KLHDC2: variants seen among roughly 807,000 people sequenced by gnomAD.
KLHDC2 encodes kelch domain-containing protein 2.
In KLHDC2, 38 loss-of-function variants were observed where a neutral mutation model predicts 62.3. The ratio of observed to expected loss-of-function variants is 0.61; its 90% CI spans 0.47 to 0.80. The LOEUF (loss-of-function observed/expected upper bound fraction) is 0.80, where lower values mean the gene tolerates loss of function less well. Ranked by LOEUF, KLHDC2 falls within the 30% of genes least tolerant of loss-of-function variation. KLHDC2 has a pLI of 0.00. For missense variants in KLHDC2, 430 were observed against 495.3 expected, an observed-to-expected ratio of 0.87 and a Z score of 1.25; for synonymous variants, 159 against 161.0, an observed-to-expected ratio of 0.99 and a Z score of 0.09.
rs1890116547 is a variant in KLHDC2 at position 49,785,321 on chromosome 14, C to CCTTTT, written c.*2368_*2369insCTTTT. 2 of 1,610,958 alleles carry CCTTTT rather than the reference C, an allele frequency of 1.2e-6. No individual in the cohort carries two copies. Among genetic ancestry groups the CCTTTT allele is most frequent in the Non-Finnish European group, 1.7e-6 (2 of 1,177,338 alleles). On this transcript the variant is annotated 3_prime_UTR_variant, in exon 13 of 13. Transcript: ENST00000298307. ...CTGTCAAAGAATCAAATAGGTTTTCCTAAAAAGGGAAAATAACAGTTACAA... is the reference window on the plus strand; with the variant it reads ...CTGTCAAAGAATCAAATAGGTTTTCCCTTTTTAAAAAGGGAAAATAACAGTTACAA...
At chr14:49,771,293 G>A (rs1002632027) in intron 1 of KLHDC2, among the ~76,000 whole-genome samples, 1 of 151,588 alleles carries the variant, frequency 6.6e-6, no homozygotes, top group Non-Finnish European at 1.5e-5. Flanking sequence ...ACATTGCAGT[G>A]AGCCAGCCAA....
At chr14:49,776,774 C>T (rs1442791513) in intron 3 of KLHDC2, among the ~76,000 whole-genome samples, 1 of 151,876 alleles carries the variant, frequency 6.6e-6, no homozygotes, top group African/African-American at 2.4e-5. Context: ...CAAAAATTAG[C>T]TGGGCATGTT....
chr14:49,782,830 G>A lies in KLHDC2; in HGVS notation c.1098G>A (p.Arg366=). ...IFSVQPKSLV[R]LSLEAVICFK... is the part of the protein sequence containing the mutation. Reference sequence around the variant, plus strand: ...TTTCTCTTTCCTTGTCCACTTTCAGGCTAAGCTTAGAAGCAGTCATTTGCT... The same window carrying A: ...TTTCTCTTTCCTTGTCCACTTTCAGACTAAGCTTAGAAGCAGTCATTTGCT... The change falls in exon 13 of 13, where the codon CGG becomes CGA. Residue 366 remains arginine, a splice_region_variant and synonymous_variant. Transcript: ENST00000298307. 1 of 1,611,788 alleles carries A rather than the reference G, an allele frequency of 6.2e-7. No homozygotes were observed. The highest frequency in any genetic ancestry group is 1.1e-5 in the South Asian group (1 of 90,366).
In KLHDC2 at chr14:49,777,895, T is replaced by C; in HGVS notation, c.408T>C (p.Asp136=). 6.2e-7 allele frequency: 1 copy of C among 1,612,724 alleles called. No homozygotes were observed. The highest frequency in any genetic ancestry group is 8.5e-7 in the Non-Finnish European group (1 of 1,179,252). The change falls in exon 4 of 13, where the codon GAT becomes GAC. Residue 136 remains aspartate (D), a synonymous_variant. Coordinates refer to ENST00000298307, the MANE Select transcript of KLHDC2 (RefSeq NM_014315.3). ...TDRVLQWERI[D]CQGIPPSSKD... ...GAGTGTTACAGTGGGAAAGAATTGA[T>C]TGCCAAGGAATTCCTCCATCATCAA...
chr14:49,776,687 A>C (rs1889779926), intron 3 of KLHDC2, among the ~76,000 whole-genome samples: 1 of 152,074 alleles, frequency 6.6e-6, no homozygotes, highest in Non-Finnish European at 1.5e-5. Flanking sequence ...GGGAGGCCCA[A>C]GTGGGCACAT....
In KLHDC2 at chr14:49,785,456, A is replaced by ACTT. The variant is rs555405775; in HGVS notation, c.*2504_*2506dup. On this transcript the variant is annotated 3_prime_UTR_variant, in exon 13 of 13. Coordinates refer to ENST00000298307, the MANE Select transcript of KLHDC2 (RefSeq NM_014315.3). ...ATACCATCTAAGCTGGAACAGTGGT[A>ACTT]CTTAAACTCTGCTTCATAGTTCCAA... 2.2e-3 allele frequency: 1,411 copies of ACTT among 643,514 alleles called. 29 individuals are homozygous for ACTT. The highest frequency in any genetic ancestry group is 0.022 in the South Asian group (1,199 of 54,874). The allele number at this position is 643,514 out of a possible 1,614,324, so 39.9% of individuals were successfully genotyped here. A position where few individuals can be genotyped will look rare whatever the true frequency, so the allele number is the denominator to read the frequency against.
Position 49,785,889 on chromosome 14 carries a change from CAAAAAAAAAAA to C in KLHDC2, c.*2942_*2952del. ...AGCCTGGGTGACAGAGACCCTGTCT[CAAAAAAAAAAA>C]AAAAAGGAAAAAAACTATTGGATAT... On this transcript the variant is annotated 3_prime_UTR_variant, in exon 13 of 13. Transcript: ENST00000298307. 2 of 124,122 alleles carry C rather than the reference CAAAAAAAAAAA, an allele frequency of 1.6e-5. No individual in the cohort carries two copies. Among genetic ancestry groups the C allele is most frequent in the South Asian group, 5.3e-4 (2 of 3,752 alleles). The allele number at this position is 124,122 out of a possible 1,614,324, so 7.7% of individuals were successfully genotyped here.
At position 49,768,497 on chromosome 14, in the gene KLHDC2, C is replaced by G. The variant is rs778293336; in HGVS notation, c.29C>G (p.Ala10Gly). The G allele has an allele frequency of 1.1e-5, 17 of 1,610,014 alleles. No homozygotes were observed. MADGNEDLR[A>G]DDLPGPAFES... The stretch of plus-strand genomic sequence containing the variant: ...GCTGATGGCAACGAGGATCTGCGGG[C>G]TGACGACTTGCCTGGGCCAGCCTTC... Residue 10 changes from alanine (A) to glycine (G), a missense_variant, in exon 1 of 13, where the codon GCT becomes GGT. Transcript: ENST00000298307.
Position 49,774,670 on chromosome 14 carries a change from A to G in KLHDC2, c.343A>G (p.Thr115Ala). 1.9e-6 allele frequency: 3 copies of G among 1,574,682 alleles called. No homozygotes were observed. Among genetic ancestry groups the G allele is most frequent in the South Asian group, 1.1e-5 (1 of 90,322 alleles). Residue 115 changes from threonine (T) to alanine (A), a missense_variant, in exon 3 of 13, where the codon ACC (threonine) becomes GCC (alanine). Thr to Ala is a moderately conservative substitution (Grantham distance 58, BLOSUM62 0). Transcript: ENST00000298307. ...TGGAGGACACCATTCAAGAGGCAAT[A>G]CCAATAAGGTTAGTGTTTCTAAGGA... ...LFGGHHSRGN[T>A]NKFYMLDSRS...
At chr14:49,780,916 A>G (rs1229215038) in intron 10 of KLHDC2, 141 bp downstream of exon 10, 5 of 624,442 alleles carry the variant, frequency 8.0e-6, no homozygotes, top group East Asian at 5.4e-5. Flanking sequence ...AAGAAAACCA[A>G]TGTTATCCTA....
In KLHDC2 at chr14:49,784,936, G is replaced by C; in HGVS notation, c.*1983G>C. 6.2e-7 allele frequency: 1 copy of C among 1,613,282 alleles called. No homozygotes were observed. Among genetic ancestry groups the C allele is most frequent in the Non-Finnish European group, 8.5e-7 (1 of 1,179,480 alleles). The stretch of plus-strand genomic sequence containing the variant: ...AAGGAGAACTTTACCTTTACGCTGC[G>C]GAATAAGTCTTTTTCTCTTGCTGTT... On this transcript the variant is annotated 3_prime_UTR_variant, in exon 13 of 13. Coordinates refer to ENST00000298307, the MANE Select transcript of KLHDC2 (RefSeq NM_014315.3).
At position 49,785,540 on chromosome 14, in the gene KLHDC2, T is replaced by C. The variant is rs1890131057; in HGVS notation, c.*2587T>C. 1 of 468,884 alleles carries C rather than the reference T, an allele frequency of 2.1e-6. No homozygotes were observed. Among genetic ancestry groups the C allele is most frequent in the South Asian group, 2.3e-5 (1 of 44,028 alleles). 29.0% of individuals were successfully genotyped at this position (468,884 alleles called of 1,614,324 possible). On this transcript the variant is annotated 3_prime_UTR_variant, in exon 13 of 13. Transcript: ENST00000298307. ...ACTACTTAATTTTTGCCTAGCATAA[T>C]AAGTAATGAGAACAATAATTTTCAA...
chr14:49,778,889 A>G lies in KLHDC2; in HGVS notation c.633+395A>G, dbSNP rs566931187. 3.3e-5 allele frequency among the ~76,000 whole-genome samples: 5 copies of G among 151,860 alleles called. No homozygotes were observed. The East Asian group carries it at 9.7e-4, about 29-fold the overall frequency. On this transcript the variant is annotated intron_variant, in intron 6 of 12. Transcript: ENST00000298307. Reference sequence around the variant, plus strand: ...CAGATGCCCGCAACCACGCCCAGCTAATTTTTTTGTATTTTTAGTAGAGAC... The same window carrying G: ...CAGATGCCCGCAACCACGCCCAGCTGATTTTTTTGTATTTTTAGTAGAGAC...
Position 49,786,348 on chromosome 14 carries a change from T to C in KLHDC2, c.*3395T>C, listed in dbSNP as rs148222502. ...TGCTGCCTGTGAGATTGCCCCCATT[T>C]ATTTTACAATATGAATAAACTTAGA... is the stretch of plus-strand genomic sequence containing the variant. On this transcript the variant is annotated 3_prime_UTR_variant, in exon 13 of 13. Transcript: ENST00000298307. The C allele has an allele frequency of 8.6e-4, 155 of 179,934 alleles. 1 individual carries two copies. Among genetic ancestry groups the C allele is most frequent in the Middle Eastern group, 5.0e-3 (2 of 404 alleles). The allele number at this position is 179,934 out of a possible 1,614,324, so 11.1% of individuals were successfully genotyped here.
In KLHDC2 at chr14:49,783,297, ATTTT is replaced by A. The variant is rs35247807; in HGVS notation, c.*354_*357del. 488 of 156,456 alleles carry A rather than the reference ATTTT, an allele frequency of 3.1e-3. 1 individual carries two copies. Among genetic ancestry groups the A allele is most frequent in the African/African-American group, 5.1e-3 (213 of 41,438 alleles). 9.7% of individuals were successfully genotyped at this position (156,456 alleles called of 1,614,324 possible). A position where few individuals can be genotyped will look rare whatever the true frequency, so the allele number is the denominator to read the frequency against. ...AAGTCATTTTTTGAAAACATTATAG[ATTTT>A]TTTTTTTTTAATGGCAAGAGTAGTC... On this transcript the variant is annotated 3_prime_UTR_variant, in exon 13 of 13. Transcript: ENST00000298307.
rs1424768971 is a variant in KLHDC2 at position 49,784,895 on chromosome 14, C to T, written c.*1942C>T. 6.3e-7 allele frequency: 1 copy of T among 1,576,034 alleles called. No individual in the cohort carries two copies. The highest frequency in any genetic ancestry group is 2.2e-5 in the East Asian group (1 of 44,682). On this transcript the variant is annotated 3_prime_UTR_variant, in exon 13 of 13. Coordinates refer to ENST00000298307, the MANE Select transcript of KLHDC2 (RefSeq NM_014315.3). Reference sequence around the variant, plus strand: ...ACATTTTAAATTGTACTGTCAGTCTCCACATTCCTTTTCTGAAGGAGAACT... The same window carrying T: ...ACATTTTAAATTGTACTGTCAGTCTTCACATTCCTTTTCTGAAGGAGAACT...
rs768175546 is a variant in KLHDC2 at position 49,784,614 on chromosome 14, A to G, written c.*1661A>G. The G allele has an allele frequency of 6.4e-7, 1 of 1,570,990 alleles. No individual in the cohort carries two copies. The highest frequency in any genetic ancestry group is 1.4e-5 in the African/African-American group (1 of 73,904). On this transcript the variant is annotated 3_prime_UTR_variant, in exon 13 of 13. Transcript: ENST00000298307. ...AGGCTATAAAATTGGCTCTTCTCAA[A>G]TATTTTAGAATTTCATTTCAGCTAT...
At chr14:49,779,937 C>G in intron 8 of KLHDC2, 131 bp downstream of exon 8, 3 of 682,346 alleles carry the variant, frequency 4.4e-6, no homozygotes, top group Non-Finnish European at 7.5e-6. Flanking sequence ...ATTACTAGGT[C>G]CTTAAGGAAT....
In KLHDC2 at chr14:49,778,776, T is replaced by C. The variant is rs1050153988; in HGVS notation, c.633+282T>C. ...TCTCGCACTGTTGCCTGGGCTGGAG[T>C]GCAGTGGCGGGATCTCTGCTTACTG... On this transcript the variant is annotated intron_variant, in intron 6 of 12. Transcript: ENST00000298307. Among the ~76,000 whole-genome samples the C allele has an allele frequency of 2.0e-5, 3 of 151,432 alleles. No homozygotes were observed. In the Admixed American group the frequency reaches 2.0e-4, roughly 10 times the overall value.
Sources: gnomAD v4.1 joint callset for allele counts (sites outside exome capture counted in the v4.1 genomes callset) on GRCh38, gnomAD v4.1.1 for gene constraint, MANE v1.5 for transcripts, NCBI Gene and HGNC (gene_info 2026-07-23, HGNC 2026-07-21) for gene names.